Variants in MYO15A observed in about 807,000 individuals in gnomAD.
MYO15A encodes the protein unconventional myosin-XV.
A neutral mutation model predicts 394.6 loss-of-function variants in MYO15A; 308 were observed. The observed-to-expected ratio is 0.78, with a 90% confidence interval of 0.71 to 0.86. The LOEUF (loss-of-function observed/expected upper bound fraction) is 0.86, where lower values mean the gene tolerates loss of function less well. MYO15A is among the 40% of genes least tolerant of loss of function. MYO15A has a pLI of 0.00. For synonymous variants in MYO15A, 1,957 were observed against 2,003.8 expected, an observed-to-expected ratio of 0.98 and a Z score of 0.62; for missense variants, 4,606 against 4,799.1, an observed-to-expected ratio of 0.96 and a Z score of 1.19.
Position 18,167,634 on chromosome 17 carries a change from C to T in MYO15A, c.9993C>T (p.Ala3331=), listed in dbSNP as rs776996974. 1 of 1,603,918 alleles carries T rather than the reference C, an allele frequency of 6.2e-7. No homozygotes were observed. The highest frequency in any genetic ancestry group is 8.5e-7 in the Non-Finnish European group (1 of 1,179,952). Residue 3331 remains alanine (A), a synonymous_variant, in exon 62 of 66, where the codon GCC becomes GCT. Coordinates refer to ENST00000647165, the MANE Select transcript of MYO15A (RefSeq NM_016239.4). ...AGGGACTCTTCAGCAGTGTGCCGGCCAGCCGGCCCAGCGAGCAGCTGCTGC... is the reference window on the plus strand; with the variant it reads ...AGGGACTCTTCAGCAGTGTGCCGGCTAGCCGGCCCAGCGAGCAGCTGCTGC... ...YLKGLFSSVP[A]SRPSEQLLQQ... is the part of the protein sequence containing the mutation.
At chr17:18,142,608 G>A in intron 24 of MYO15A, 148 bp from the exon 25 acceptor site, 1 of 732,080 alleles carries the variant, frequency 1.4e-6, no homozygotes, top group Admixed American at 2.1e-5. Flanking sequence ...GCCCCTCTCT[G>A]AGCTCCAGTT....
At chr17:18,111,510 G>T (rs1372894074) in intron 1 of MYO15A, among the ~76,000 whole-genome samples, 2 of 152,198 alleles carry the variant, frequency 1.3e-5, no homozygotes, top group Non-Finnish European at 2.9e-5. Context: ...AATATTTAAG[G>T]AATGAATGAA....
chr17:18,153,693 C>T lies in MYO15A; in HGVS notation c.7967-82C>T, dbSNP rs1455725384. On this transcript the variant is annotated intron_variant, in intron 42 of 65. Coordinates refer to ENST00000647165, the MANE Select transcript of MYO15A (RefSeq NM_016239.4). The surrounding 1 kb of genome is among the most constrained non-coding windows in gnomAD (Gnocchi z 4.1). ...AGCCTGGGGGACAACAGCGAAACTC[C>T]GTCTCAAAAATATATATATATATTA... 8.6e-6 allele frequency: 11 copies of T among 1,275,912 alleles called. No homozygotes were observed. The highest frequency in any genetic ancestry group is 1.1e-5 in the Non-Finnish European group (11 of 991,986). 79.0% of individuals were successfully genotyped at this position (1,275,912 alleles called of 1,614,324 possible). A position where few individuals can be genotyped will look rare whatever the true frequency, so the allele number is the denominator to read the frequency against.
chr17:18,111,840 A>G (rs2045726094), intron 1 of MYO15A, among the ~76,000 whole-genome samples: 1 of 152,168 alleles, frequency 6.6e-6, no homozygotes, highest in African/African-American at 2.4e-5. Context: ...CAGCCCTGGT[A>G]AGGGAGGCAT....
intron 54 of MYO15A, 68 bp downstream of exon 54, chr17:18,159,415 G>T (rs886085121): frequency 4.3e-5 from 68 of 1,568,804 alleles, no homozygotes; most frequent in Non-Finnish European, 5.7e-5. Flanking sequence ...ATCTCTACTG[G>T]TTGCCACTCC....
Position 18,159,665 on chromosome 17 carries a change from T to C in MYO15A, c.9289T>C (p.Cys3097Arg), listed in dbSNP as rs569572672. 6.2e-7 allele frequency: 1 copy of C among 1,614,148 alleles called. No individual in the cohort carries two copies. The highest frequency in any genetic ancestry group is 1.1e-5 in the South Asian group (1 of 91,078). ...LKGQSDLDVL[C>R]NLLKLCGDHE... ...GGGCCAGAGTGACCTGGACGTGCTT[T>C]GTAACCTCCTGAAGGTCAGTCCAGC... The change falls in exon 55 of 66, where the codon TGT becomes CGT. Residue 3097 changes from cysteine (C) to arginine (R), a missense_variant. By Grantham distance (180) the Cys-to-Arg change is radical. This residue lies in a region of MYO15A where 2,776 missense variants were observed against 3,109.3 expected (regional missense o/e 0.89). Coordinates refer to ENST00000647165, the MANE Select transcript of MYO15A (RefSeq NM_016239.4).
intron 1 of MYO15A, among the ~76,000 whole-genome samples, chr17:18,116,919 CAAA>C (rs772914615): frequency 4.6e-5 from 4 of 87,056 alleles, no homozygotes; most frequent in Admixed American, 1.3e-4. Flanking sequence ...GACTCTGTCT[CAAA>C]AAAAAAAAAA....
At chr17:18,167,362 A>T (rs2046869132) in intron 61 of MYO15A, among the ~76,000 whole-genome samples, 1 of 152,212 alleles carries the variant, frequency 6.6e-6, no homozygotes, top group Non-Finnish European at 1.5e-5. Context: ...CACATCCTAC[A>T]CAAGGTTGCT....
In MYO15A at chr17:18,119,716, G is replaced by T; in HGVS notation, c.916G>T (p.Gly306Cys). The change falls in exon 2 of 66, where the codon GGC becomes TGC. Residue 306 changes from glycine to cysteine, a missense_variant. Gly to Cys is a radical substitution (Grantham distance 159, BLOSUM62 -3). Coordinates refer to ENST00000647165, the MANE Select transcript of MYO15A (RefSeq NM_016239.4). ...GGPFDPGYTYGYGYDDYEPPY... is the reference protein window; with the variant it reads ...GGPFDPGYTYCYGYDDYEPPY... ...CCCCTTTGATCCGGGGTACACCTAC[G>T]GCTACGGCTACGACGATTACGAACC... The T allele has an allele frequency of 2.5e-6, 4 of 1,611,574 alleles. No individual in the cohort carries two copies. Among genetic ancestry groups the T allele is most frequent in the Non-Finnish European group, 3.4e-6 (4 of 1,179,946 alleles).
In MYO15A at chr17:18,120,683, TG is replaced by T; in HGVS notation, c.1884del (p.Arg629GlyfsTer99). The T allele has an allele frequency of 6.4e-7, 1 of 1,573,822 alleles. No individual in the cohort carries two copies. The highest frequency in any genetic ancestry group is 8.6e-7 in the Non-Finnish European group (1 of 1,166,058). On this transcript the variant is annotated frameshift_variant, in exon 2 of 66. Coordinates refer to ENST00000647165, the MANE Select transcript of MYO15A (RefSeq NM_016239.4). LOFTEE classifies it high-confidence loss of function. ...DPEKPGTPIV[L>X]RRAQPRARSS... is the part of the protein sequence containing the mutation. ...GAGAAGCCCGGCACGCCCATCGTGCTGAGGAGGGCCCAGCCACGCGCTCGCA... is the reference window on the plus strand; with the variant it reads ...GAGAAGCCCGGCACGCCCATCGTGCTAGGAGGGCCCAGCCACGCGCTCGCA...
In MYO15A at chr17:18,135,708, T is replaced by C. The variant is rs2046253572; in HGVS notation, c.4483-3T>C. 1.9e-6 allele frequency: 3 copies of C among 1,613,746 alleles called. No homozygotes were observed. Among genetic ancestry groups the C allele is most frequent in the Admixed American group, 1.7e-5 (1 of 59,996 alleles). On this transcript the variant is annotated splice_polypyrimidine_tract_variant and splice_region_variant and intron_variant, in intron 12 of 65. Coordinates refer to ENST00000647165, the MANE Select transcript of MYO15A (RefSeq NM_016239.4). ...AGCACATTCCTGTTGGTATTTTGCA[T>C]AGACGGATGCACAGGAGGTGGCCTC...
At chr17:18,161,549 A>C in intron 57 of MYO15A, 102 bp downstream of exon 57, 1 of 1,501,080 alleles carries the variant, frequency 6.7e-7, no homozygotes, top group Non-Finnish European at 9.2e-7. Flanking sequence ...CGCTCTTCAC[A>C]GGTGCTGAGC....
At position 18,132,706 on chromosome 17, in the gene MYO15A, A is replaced by C; in HGVS notation, c.4320+140A>C. The C allele has an allele frequency of 2.7e-6, 2 of 732,738 alleles. No individual in the cohort carries two copies. Among genetic ancestry groups the C allele is most frequent in the South Asian group, 3.0e-5 (2 of 66,258 alleles). The allele number at this position is 732,738 out of a possible 1,614,324, so 45.4% of individuals were successfully genotyped here. A position where few individuals can be genotyped will look rare whatever the true frequency, so the allele number is the denominator to read the frequency against. On this transcript the variant is annotated intron_variant, in intron 11 of 65. Coordinates refer to ENST00000647165, the MANE Select transcript of MYO15A (RefSeq NM_016239.4). The surrounding 1 kb of genome is among the most constrained non-coding windows in gnomAD (Gnocchi z 4.6). The stretch of plus-strand genomic sequence containing the variant: ...TGGGGAGGGTGAGTTTGGATTTAAG[A>C]CATCTCATGGCAGTGAGGGGGACCA...
Position 18,141,286 on chromosome 17 carries a change from C to T in MYO15A, c.5531+143C>T, listed in dbSNP as rs1853751385. On this transcript the variant is annotated intron_variant, in intron 22 of 65. Coordinates refer to ENST00000647165, the MANE Select transcript of MYO15A (RefSeq NM_016239.4). ...ACTTCACAAGGCTACCACATGCTAA[C>T]TGTTAATGTGGTAGATACATTTATT... 4.0e-6 allele frequency: 5 copies of T among 1,239,356 alleles called. No individual in the cohort carries two copies. The Admixed American group carries it at 8.0e-5, about 20-fold the overall frequency. 76.8% of individuals were successfully genotyped at this position (1,239,356 alleles called of 1,614,324 possible).
At chr17:18,126,258 A>C (rs2046036464) in intron 4 of MYO15A, 89 bp from the exon 5 acceptor site, 2 of 1,116,842 alleles carry the variant, frequency 1.8e-6, no homozygotes, top group Non-Finnish European at 2.7e-6. Flanking sequence ...TCCGGATGGA[A>C]ACAGGGAGCC....
intron 65 of MYO15A, 74 bp from the exon 66 acceptor site, chr17:18,178,695 A>T: frequency 7.0e-7 from 1 of 1,436,090 alleles, no homozygotes; most frequent in Non-Finnish European, 9.8e-7. Flanking sequence ...CCACCTCTCC[A>T]TTCTGTACTT....
Position 18,150,367 on chromosome 17 carries a change from T to A in MYO15A, c.7213-62T>A. 2 of 1,487,834 alleles carry A rather than the reference T, an allele frequency of 1.3e-6. No homozygotes were observed. The highest frequency in any genetic ancestry group is 2.3e-5 in the South Asian group (2 of 88,038). 92.2% of individuals were successfully genotyped at this position (1,487,834 alleles called of 1,614,324 possible). A position where few individuals can be genotyped will look rare whatever the true frequency, so the allele number is the denominator to read the frequency against. On this transcript the variant is annotated intron_variant, in intron 35 of 65. Coordinates refer to ENST00000647165, the MANE Select transcript of MYO15A (RefSeq NM_016239.4). The surrounding 1 kb of genome is among the most constrained non-coding windows in gnomAD (Gnocchi z 4.4). ...GGAAGAGGCCAGTGTCAGGTGCCTG[T>A]TGCCATGGAACCTTGGGAGTACAAT...
At chr17:18,116,765 C>T (rs1329992048) in intron 1 of MYO15A, among the ~76,000 whole-genome samples, 1 of 152,052 alleles carries the variant, frequency 6.6e-6, no homozygotes, top group Non-Finnish European at 1.5e-5. Flanking sequence ...ACTAAAAATA[C>T]AAAAATTGGC....
At position 18,154,111 on chromosome 17, in the gene MYO15A, C is replaced by G. The variant is rs1352011087; in HGVS notation, c.8089-20C>G. 6.2e-7 allele frequency: 1 copy of G among 1,613,686 alleles called. No homozygotes were observed. The highest frequency in any genetic ancestry group is 1.3e-5 in the African/African-American group (1 of 74,954). On this transcript the variant is annotated intron_variant, in intron 43 of 65. Transcript: ENST00000647165. ...CCAGGGGGCAGTCGGACAGTACCCA[C>G]TGAAGCCCCGCCCCTGCAGGTGTTT...
Sources: gnomAD v4.1 joint callset for allele counts (sites outside exome capture counted in the v4.1 genomes callset) on GRCh38, gnomAD v4.1.1 for gene constraint, gnomAD v4.1.1 regional missense constraint, Gnocchi (gnomAD v3.1) non-coding constraint, MANE v1.5 for transcripts, NCBI Gene and HGNC (gene_info 2026-07-23, HGNC 2026-07-21) for gene names.